The following MAST4 variants were observed in gnomAD, a reference collection of about 807,000 sequenced individuals.
MAST4 encodes the protein microtubule-associated serine/threonine-protein kinase 4.
Under a neutral mutation model 162.7 loss-of-function variants are expected in MAST4, and 89 were observed. The observed-to-expected ratio is 0.55, with a 90% CI of 0.46 to 0.65. The LOEUF is 0.65. Ranked by LOEUF, MAST4 falls within the 30% of genes least tolerant of loss-of-function variation. MAST4 has a pLI of 0.00. For synonymous variants in MAST4, 1,479 were observed against 1,361.1 expected (o/e 1.09, Z -1.91); for missense variants, 3,153 against 3,374.0 (o/e 0.93, Z 1.62).
chr5:67,066,389 A>C (rs1760233528), intron 5 of MAST4, among the ~76,000 whole-genome samples: 1 of 151,002 alleles, frequency 6.6e-6, no homozygotes, highest in East Asian at 1.9e-4. Flanking sequence ...ATCTATTATA[A>C]TATTTATAAC....
At chr5:66,946,906 C>CT (rs760750731) in intron 4 of MAST4, among the ~76,000 whole-genome samples, 1 of 151,880 alleles carries the variant, frequency 6.6e-6, no homozygotes, top group Admixed American at 6.6e-5. Flanking sequence ...AAATGACATT[C>CT]TTTTTTTTAT....
chr5:66,616,218 C>T (rs975284198), intron 1 of MAST4, among the ~76,000 whole-genome samples: 11 of 152,154 alleles, frequency 7.2e-5, no homozygotes, highest in African/African-American at 2.2e-4. Flanking sequence ...CACTTTATTA[C>T]GTGGATCACA....
At chr5:66,928,491 C>T (rs556430250) in intron 4 of MAST4, among the ~76,000 whole-genome samples, 3 of 152,342 alleles carry the variant, frequency 2.0e-5, no homozygotes, top group African/African-American at 4.8e-5. Context: ...CTTTCCTCCA[C>T]AGCTCATTAA....
At chr5:67,144,117 G>C (rs1475174844) in intron 21 of MAST4, among the ~76,000 whole-genome samples, 2 of 152,122 alleles carry the variant, frequency 1.3e-5, no homozygotes, top group African/African-American at 4.8e-5. Context: ...CTATAGATGT[G>C]ATTTGTAAGC....
At chr5:66,767,288 C>A (rs954250872) in intron 2 of MAST4, among the ~76,000 whole-genome samples, 1 of 151,670 alleles carries the variant, frequency 6.6e-6, no homozygotes, top group African/African-American at 2.4e-5. Flanking sequence ...GGGAGCAGGG[C>A]ACTTACTAAG....
At chr5:66,912,206 C>G (rs1203834521) in intron 4 of MAST4, among the ~76,000 whole-genome samples, 1 of 152,200 alleles carries the variant, frequency 6.6e-6, no homozygotes, top group East Asian at 1.9e-4. Flanking sequence ...ACTGGACTAG[C>G]AGCAGGACAA....
At chr5:67,134,193 A>G (rs569451330) in intron 17 of MAST4, among the ~76,000 whole-genome samples, 1 of 152,338 alleles carries the variant, frequency 6.6e-6, no homozygotes, top group South Asian at 2.1e-4. Context: ...TTAAAAATGC[A>G]TTATTATTTT....
chr5:66,766,224 C>T (rs150211893), intron 2 of MAST4, among the ~76,000 whole-genome samples: 178 of 152,152 alleles, frequency 1.2e-3, no homozygotes, highest in Non-Finnish European at 1.9e-3. Context: ...ATGTTACAGC[C>T]GTAACAGCCA....
At chr5:66,617,678 C>T (rs183833965) in intron 1 of MAST4, among the ~76,000 whole-genome samples, 132 of 152,200 alleles carry the variant, frequency 8.7e-4, no homozygotes, top group African/African-American at 3.1e-3. Context: ...CAGTAGATAA[C>T]CATACCCTTT....
Position 66,962,116 on chromosome 5 carries a change from A to T in MAST4, c.674+62134A>T, listed in dbSNP as rs6872474. Among the ~76,000 whole-genome samples the T allele has an allele frequency of 2.3e-3, 345 of 152,334 alleles. 1 individual carries two copies. Among genetic ancestry groups the T allele is most frequent in the African/African-American group, 7.9e-3 (327 of 41,576 alleles). ...GGATTTGCAAACCATAGTAAGCCCAAATCTGATTTTAGCCATCATTGCCAA... is the reference window on the plus strand; with the variant it reads ...GGATTTGCAAACCATAGTAAGCCCATATCTGATTTTAGCCATCATTGCCAA... On this transcript the variant is annotated intron_variant, in intron 4 of 28. Transcript: ENST00000403625.
At chr5:66,915,559 A>G (rs1764058551) in intron 4 of MAST4, among the ~76,000 whole-genome samples, 1 of 152,262 alleles carries the variant, frequency 6.6e-6, no homozygotes, top group African/African-American at 2.4e-5. Flanking sequence ...CTCTTTGGAC[A>G]TGGCATTGTC....
At chr5:66,838,661 A>G (rs1046957687) in intron 3 of MAST4, among the ~76,000 whole-genome samples, 3 of 152,198 alleles carry the variant, frequency 2.0e-5, no homozygotes, top group African/African-American at 4.8e-5. Flanking sequence ...GGAAGCCTTC[A>G]TGGAGGTGGA....
chr5:66,875,816 G>A (rs1210984559), intron 3 of MAST4, among the ~76,000 whole-genome samples: 3 of 152,140 alleles, frequency 2.0e-5, no homozygotes, highest in Admixed American at 6.5e-5. Context: ...GCTGGAGTGC[G>A]GTAGCACAGT....
intron 20 of MAST4, 54 bp downstream of exon 20, chr5:67,142,291 T>C: frequency 1.3e-6 from 2 of 1,593,824 alleles, no homozygotes; most frequent in South Asian, 2.2e-5. Context: ...GATAAATAAT[T>C]ATCTTTGCTT....
intron 5 of MAST4, among the ~76,000 whole-genome samples, chr5:67,061,959 C>CT (rs1451504068): frequency 2.0e-5 from 3 of 152,196 alleles, no homozygotes; most frequent in African/African-American, 7.2e-5. Context: ...ATACACACAC[C>CT]TTTCTGCTCA....
chr5:66,662,504 A>T (rs1746978729), intron 1 of MAST4: 2 of 152,152 alleles, frequency 1.3e-5, no homozygotes, highest in South Asian at 4.2e-4. Flanking sequence ...ACAGTCAAGG[A>T]TTTTAGTTCT....
intron 4 of MAST4, among the ~76,000 whole-genome samples, chr5:67,008,402 A>G (rs1263607330): frequency 2.0e-5 from 3 of 152,114 alleles, no homozygotes; most frequent in Non-Finnish European, 4.4e-5. Context: ...TGGATGAAAA[A>G]CTTTTGGGGG....
chr5:66,851,881 A>G (rs553723662), intron 3 of MAST4, among the ~76,000 whole-genome samples: 30 of 152,200 alleles, frequency 2.0e-4, no homozygotes, highest in African/African-American at 7.2e-4. Flanking sequence ...TTTATTTTAG[A>G]GCTAGATAGG....
chr5:66,750,580 T>A (rs548965750), intron 1 of MAST4, among the ~76,000 whole-genome samples: 223 of 152,330 alleles, frequency 1.5e-3, no homozygotes, highest in African/African-American at 5.1e-3. Flanking sequence ...ATACTGCGCT[T>A]TTCCGACCGG....
Sources: gnomAD v4.1 joint callset for allele counts (sites outside exome capture counted in the v4.1 genomes callset) on GRCh38, gnomAD v4.1.1 for gene constraint, MANE v1.5 for transcripts, NCBI Gene and HGNC (gene_info 2026-07-23, HGNC 2026-07-21) for gene names.